RIMS2: variants seen among roughly 807,000 people sequenced by gnomAD.
RIMS2 encodes the protein regulating synaptic membrane exocytosis protein 2.
A neutral mutation model predicts 174.4 loss-of-function variants in RIMS2; 59 were observed. The observed-to-expected ratio is 0.34, with a 90% CI of 0.27 to 0.42. The LOEUF is 0.42. RIMS2 is among the 10% of genes least tolerant of loss of function. The pLI is 1.00. For synonymous variants in RIMS2, 606 were observed against 572.5 expected (o/e 1.06, Z -0.84); for missense variants, 1,620 against 1,666.3 (o/e 0.97, Z 0.48).
intron 19 of RIMS2, among the ~76,000 whole-genome samples, chr8:104,121,852 T>G (rs2098379909): frequency 6.6e-6 from 1 of 152,014 alleles, no homozygotes; most frequent in Admixed American, 6.5e-5. Context: ...ATCCCAGCAC[T>G]TGGGAGACTG....
In RIMS2 at chr8:103,992,496, G is replaced by T. The variant is rs576929981; in HGVS notation, c.3044+3075G>T. ...GTAGAATGAATGTAGGGCATGAATTGGACCTTGAAAAATGGGCATGTTTAT... is the reference window on the plus strand; with the variant it reads ...GTAGAATGAATGTAGGGCATGAATTTGACCTTGAAAAATGGGCATGTTTAT... On this transcript the variant is annotated intron_variant, in intron 17 of 23. Coordinates refer to ENST00000504942, the Ensembl canonical transcript of RIMS2. Among the ~76,000 whole-genome samples the T allele has an allele frequency of 6.3e-4, 96 of 151,796 alleles. 3 individuals carry two copies. In the South Asian group the frequency reaches 0.019, roughly 30 times the overall value.
intron 4 of RIMS2, among the ~76,000 whole-genome samples, chr8:103,895,303 T>C (rs2099271268): frequency 6.6e-6 from 1 of 151,462 alleles, no homozygotes; most frequent in South Asian, 2.1e-4. Context: ...TACCATAGAC[T>C]GGATAGCTTA....
intron 19 of RIMS2, among the ~76,000 whole-genome samples, chr8:104,212,126 C>G (rs1451377293): frequency 1.3e-5 from 2 of 152,150 alleles, no homozygotes; most frequent in African/African-American, 4.8e-5. Context: ...ATTGAGAAGT[C>G]TGTGAGTTAT....
At chr8:104,051,667 T>C (rs1439271672) in intron 19 of RIMS2, among the ~76,000 whole-genome samples, 4 of 152,100 alleles carry the variant, frequency 2.6e-5, no homozygotes, top group Non-Finnish European at 5.9e-5. Context: ...ACTCTTTGCA[T>C]GTGTGTGTGA....
intron 19 of RIMS2, among the ~76,000 whole-genome samples, chr8:104,237,865 T>C (rs937287086): frequency 1.3e-5 from 2 of 152,130 alleles, no homozygotes; most frequent in African/African-American, 4.8e-5. Flanking sequence ...GAAGCATAAG[T>C]GTATGAGCTT....
chr8:103,576,586 A>G (rs10094153), intron 1 of RIMS2, among the ~76,000 whole-genome samples: 27,692 of 152,170 alleles, frequency 0.18, 2,765 homozygotes, highest in African/African-American at 0.26. Context: ...AAGATAACAT[A>G]TAAAAACAAA....
intron 19 of RIMS2, among the ~76,000 whole-genome samples, chr8:104,216,026 A>G (rs575014183): frequency 1.1e-3 from 166 of 152,328 alleles, no homozygotes; most frequent in Non-Finnish European, 1.8e-3. Context: ...TTGGAAATAT[A>G]CTTTCATGGG....
At chr8:103,615,003 CA>C (rs1166012147) in intron 1 of RIMS2, among the ~76,000 whole-genome samples, 1 of 152,078 alleles carries the variant, frequency 6.6e-6, no homozygotes, top group African/African-American at 2.4e-5. Context: ...GTTTCACATC[CA>C]ATGCTAATTA....
chr8:103,540,983 CAAAA>C (rs869287623), intron 1 of RIMS2, among the ~76,000 whole-genome samples: 5 of 119,014 alleles, frequency 4.2e-5, no homozygotes, highest in South Asian at 2.4e-4. Context: ...AAAAAAGAAA[CAAAA>C]AAGAACAAAG....
intron 19 of RIMS2, among the ~76,000 whole-genome samples, chr8:104,083,927 A>G (rs1192189841): frequency 2.6e-5 from 4 of 152,188 alleles, no homozygotes; most frequent in Non-Finnish European, 4.4e-5. Context: ...GGTTACATCT[A>G]TATCAATACA....
chr8:104,251,129 C>G (rs267601695), exon 23 of RIMS2: 9 of 1,613,084 alleles, frequency 5.6e-6, no homozygotes, highest in Non-Finnish European at 5.9e-6. Flanking sequence ...CAGCTATTAT[C>G]TTTCGAAGAG....
intron 19 of RIMS2, among the ~76,000 whole-genome samples, chr8:104,184,171 G>C (rs1041633852): frequency 1.3e-5 from 2 of 151,558 alleles, no homozygotes; most frequent in Non-Finnish European, 3.0e-5. Context: ...GTCTTGAACA[G>C]GTCATCTACA....
intron 3 of RIMS2, among the ~76,000 whole-genome samples, chr8:103,841,964 AAAG>A (rs1273936096): frequency 2.0e-5 from 3 of 148,102 alleles, no homozygotes; most frequent in Non-Finnish European, 3.0e-5. Context: ...CAAAAAGAAA[AAAG>A]AAAAAAAAAA....
At chr8:103,524,619 G>A (rs1287501065) in intron 1 of RIMS2, among the ~76,000 whole-genome samples, 2 of 152,152 alleles carry the variant, frequency 1.3e-5, no homozygotes, top group Admixed American at 6.6e-5. Flanking sequence ...TGCTAAGGTT[G>A]TTGGAGTACT....
chr8:103,723,526 A>G (rs904500935), intron 2 of RIMS2, among the ~76,000 whole-genome samples: 95 of 152,256 alleles, frequency 6.2e-4, no homozygotes, highest in African/African-American at 2.2e-3. Flanking sequence ...TGTTTCCAGC[A>G]TATGTGTGTG....
intron 15 of RIMS2, among the ~76,000 whole-genome samples, chr8:103,963,056 G>T (rs2090681334): frequency 6.6e-6 from 1 of 151,566 alleles, no homozygotes; most frequent in Admixed American, 6.6e-5. Context: ...ATATATATTA[G>T]TTCTGTTAAA....
rs115921466 is a variant in RIMS2, at chr8:103,547,968, C to T, written c.176+46906C>T. Among the ~76,000 whole-genome samples the T allele has an allele frequency of 7.2e-3, 1,099 of 152,104 alleles. 22 individuals carry two copies. The highest frequency in any genetic ancestry group is 0.025 in the African/African-American group (1,033 of 41,514). ...CTGCCAAGATTGAACCAGGAAGAAACTGTATCCTGGAACAGACCAATAAGG... is the reference window on the plus strand; with the variant it reads ...CTGCCAAGATTGAACCAGGAAGAAATTGTATCCTGGAACAGACCAATAAGG... On this transcript the variant is annotated intron_variant, in intron 1 of 23. Coordinates refer to ENST00000504942, the Ensembl canonical transcript of RIMS2.
Position 103,926,463 on chromosome 8 carries a change from C to CAG in RIMS2, c.2197-1367_2197-1366dup, listed in dbSNP as rs910178754. Among the ~76,000 whole-genome samples the CAG allele has an allele frequency of 3.3e-5, 5 of 151,128 alleles. 1 individual carries two copies. Among genetic ancestry groups the CAG allele is most frequent in the African/African-American group, 9.7e-5 (4 of 41,332 alleles). On this transcript the variant is annotated intron_variant, in intron 10 of 23. Coordinates refer to ENST00000504942, the Ensembl canonical transcript of RIMS2. ...GCCTTGGTTTTGAAAGAGACAGAGA[C>CAG]AGAGAGAGAGAGATTGAGAGAGAGA...
At chr8:103,853,348 G>C (rs2099009895) in intron 3 of RIMS2, among the ~76,000 whole-genome samples, 1 of 151,970 alleles carries the variant, frequency 6.6e-6, no homozygotes, top group Non-Finnish European at 1.5e-5. Flanking sequence ...TGTTTACTCT[G>C]TTAATAGTTT....
Sources: allele counts gnomAD v4.1 joint callset (sites outside exome capture counted in the v4.1 genomes callset), GRCh38; gene constraint gnomAD v4.1.1; transcripts MANE v1.5; gene names NCBI Gene and HGNC (gene_info 2026-07-23, HGNC 2026-07-21).